Variants in CCDC141 observed in about 807,000 individuals in gnomAD.
The protein encoded by CCDC141 is coiled-coil domain-containing protein 141.
Under a neutral mutation model 181.0 loss-of-function variants are expected in CCDC141, and 168 were observed. That is an observed-to-expected ratio of 0.93 (90% CI 0.82 to 1.05). The LOEUF (loss-of-function observed/expected upper bound fraction) is 1.05. CCDC141 is among the 50% of genes least tolerant of loss of function. CCDC141 has a pLI of 0.00. For synonymous variants in CCDC141, 666 were observed against 642.3 expected (o/e 1.04, Z -0.56); for missense variants, 1,902 against 1,788.5 (o/e 1.06, Z -1.14).
intron 2 of CCDC141, among the ~76,000 whole-genome samples, chr2:178,999,300 A>G (rs1692417815): frequency 6.6e-6 from 1 of 152,106 alleles, no homozygotes; most frequent in Non-Finnish European, 1.5e-5. Context: ...CCAAGATTTA[A>G]TCAGTCACCA....
chr2:178,954,819 A>G (rs560400564), intron 5 of CCDC141, among the ~76,000 whole-genome samples: 1 of 152,190 alleles, frequency 6.6e-6, no homozygotes, highest in Non-Finnish European at 1.5e-5. Flanking sequence ...TGACAAAAAA[A>G]AAACCAAAAA....
intron 22 of CCDC141, among the ~76,000 whole-genome samples, chr2:178,839,427 AT>A (rs1254393933): frequency 4.8e-5 from 7 of 147,224 alleles, no homozygotes; most frequent in Middle Eastern, 3.4e-3. Flanking sequence ...AAAAAAAAAA[AT>A]AGCTATGTGT....
chr2:178,978,738 A>G, intron 2 of CCDC141, 63 bp from the exon 3 acceptor site: 2 of 1,249,108 alleles, frequency 1.6e-6, no homozygotes, highest in Non-Finnish European at 2.1e-6. Context: ...ACAGGATCAC[A>G]TTTTAAACAC....
intron 16 of CCDC141, among the ~76,000 whole-genome samples, chr2:178,867,476 C>A (rs1269630880): frequency 6.6e-6 from 1 of 152,044 alleles, no homozygotes; most frequent in Non-Finnish European, 1.5e-5. Context: ...TTTCATAATA[C>A]CTCTTTGAAA....
rs1200292486 is a variant in CCDC141 at position 178,877,991 on chromosome 2, C to A, written c.1872G>T (p.Gly624=). ...TATTTATTAAATTAAGGAACTCAAG[C>A]CCTAGATCTTGTGTTATAAAACTCT... The part of the protein sequence containing the change: ...LKKSFITQDL[G]LEFLNLINMA... The change falls in exon 12 of 24, where the codon GGG becomes GGT. Residue 624 remains glycine (G), a synonymous_variant. Coordinates refer to ENST00000443758, the MANE Select transcript of CCDC141 (RefSeq NM_173648.4). The A allele has an allele frequency of 1.2e-6, 2 of 1,613,636 alleles. No individual in the cohort carries two copies. Among genetic ancestry groups the A allele is most frequent in the East Asian group, 2.2e-5 (1 of 44,864 alleles).
chr2:178,941,755 C>T (rs1246107419), intron 6 of CCDC141, among the ~76,000 whole-genome samples: 1 of 151,176 alleles, frequency 6.6e-6, no homozygotes, highest in African/African-American at 2.4e-5. Context: ...GAGTTCATAA[C>T]CAGCCTGAGA....
At chr2:178,934,093 A>T (rs1689196487) in intron 6 of CCDC141, among the ~76,000 whole-genome samples, 1 of 90,296 alleles carries the variant, frequency 1.1e-5, no homozygotes, top group African/African-American at 3.9e-5. Flanking sequence ...AGATGCAGAC[A>T]TCAGTATTTT....
intron 2 of CCDC141, among the ~76,000 whole-genome samples, chr2:179,030,071 A>G (rs2042961160): frequency 6.6e-6 from 1 of 152,108 alleles, no homozygotes; most frequent in South Asian, 2.1e-4. Flanking sequence ...CACTGATAGA[A>G]CACTGAAGTT....
chr2:178,908,786 T>A (rs1215401149), intron 7 of CCDC141, among the ~76,000 whole-genome samples: 1 of 152,210 alleles, frequency 6.6e-6, no homozygotes, highest in Non-Finnish European at 1.5e-5. Context: ...GCCTACACAT[T>A]TAACCCCATT....
chr2:178,817,456 T>C, the CCDC141 span: 1 of 469,318 alleles, frequency 2.1e-6, no homozygotes. Flanking sequence ...CTGTGGATAA[T>C]ATAGAAAAAC....
chr2:178,964,912 T>C (rs1393723928), intron 4 of CCDC141, among the ~76,000 whole-genome samples: 1 of 152,208 alleles, frequency 6.6e-6, no homozygotes, highest in East Asian at 1.9e-4. Flanking sequence ...TAAATTTTCA[T>C]TAATTGTTTT....
chr2:178,987,410 A>G (rs1442746238), intron 2 of CCDC141, among the ~76,000 whole-genome samples: 5 of 152,112 alleles, frequency 3.3e-5, no homozygotes, highest in Non-Finnish European at 7.4e-5. Flanking sequence ...AGGCATGTGC[A>G]AGGACTTCAT....
chr2:178,972,409 TGATGATGAAGATAAATAA>T (rs1314769328), intron 4 of CCDC141, among the ~76,000 whole-genome samples: 4 of 152,212 alleles, frequency 2.6e-5, no homozygotes, highest in African/African-American at 9.7e-5. Flanking sequence ...TCTCACAACC[TGATGATGAAGATAAATAA>T]GAAAATAAAT....
At chr2:178,992,160 C>T (rs34013863) in intron 2 of CCDC141, among the ~76,000 whole-genome samples, 23,566 of 151,686 alleles carry the variant, frequency 0.16, 1,925 homozygotes, top group Middle Eastern at 0.26. Flanking sequence ...TATTTATGTA[C>T]AAGTTTTTGG....
At chr2:178,994,881 C>T (rs1056239950) in intron 2 of CCDC141, among the ~76,000 whole-genome samples, 6 of 152,284 alleles carry the variant, frequency 3.9e-5, no homozygotes, top group South Asian at 2.1e-4. Context: ...TTTGCTCAAA[C>T]GTAACAAAAG....
At chr2:178,936,016 T>C (rs192720112) in intron 6 of CCDC141, among the ~76,000 whole-genome samples, 111 of 152,132 alleles carry the variant, frequency 7.3e-4, no homozygotes, top group African/African-American at 2.5e-3. Flanking sequence ...AGATGCATAG[T>C]TTATAAATAT....
chr2:179,036,759 T>C (rs2043156175), intron 2 of CCDC141, among the ~76,000 whole-genome samples: 1 of 152,206 alleles, frequency 6.6e-6, no homozygotes, highest in South Asian at 2.1e-4. Flanking sequence ...TTCAAAATGC[T>C]CCATGCAAAA....
intron 2 of CCDC141, among the ~76,000 whole-genome samples, chr2:179,009,910 A>G (rs147131191): frequency 0.038 from 5,760 of 152,218 alleles, 352 homozygotes; most frequent in East Asian, 0.16. Context: ...TGATACAAGA[A>G]GTGAAGGGAG....
At chr2:178,955,902 A>G (rs576789515) in intron 5 of CCDC141, among the ~76,000 whole-genome samples, 3 of 152,370 alleles carry the variant, frequency 2.0e-5, no homozygotes, top group African/African-American at 4.8e-5. Flanking sequence ...TGTGAACTCA[A>G]ATAATAAAAC....
Sources: gnomAD v4.1 joint callset for allele counts (sites outside exome capture counted in the v4.1 genomes callset) on GRCh38, gnomAD v4.1.1 for gene constraint, MANE v1.5 for transcripts, NCBI Gene and HGNC (gene_info 2026-07-23, HGNC 2026-07-21) for gene names.